The following DIXDC1 variants were observed in gnomAD, a reference collection of about 807,000 sequenced individuals.
DIXDC1 encodes the protein DIX domain containing 1.
Under a neutral mutation model 103.1 loss-of-function variants are expected in DIXDC1, and 64 were observed. The ratio of observed to expected loss-of-function variants is 0.62; its 90% CI spans 0.51 to 0.76. The LOEUF (loss-of-function observed/expected upper bound fraction) is 0.76, where lower values mean the gene tolerates loss of function less well. Among genes scored for constraint, DIXDC1 ranks in the 30% least tolerant of loss-of-function variants. The pLI, the probability that DIXDC1 is intolerant of heterozygous loss-of-function variation, is 0.00. For missense variants in DIXDC1, 759 were observed against 834.2 expected, an observed-to-expected ratio of 0.91 and a Z score of 1.11; for synonymous variants, 266 against 298.5, an observed-to-expected ratio of 0.89 and a Z score of 1.12.
chr11:112,000,881 G>A (rs1420607804), intron 17 of DIXDC1, among the ~76,000 whole-genome samples: 3 of 152,176 alleles, frequency 2.0e-5, no homozygotes, highest in Admixed American at 2.0e-4. Context: ...CTCTGGGGAT[G>A]TGAATGGTGC....
chr11:111,985,401 CCTT>C lies in DIXDC1; in HGVS notation c.1008+84_1008+86del, dbSNP rs1308786239. ...TTAGCATTTGACACTGCTGTTCATG[CCTT>C]CTTGAAATGCTGTCTTCCTTGACCA... On this transcript the variant is annotated intron_variant, in intron 8 of 19. Coordinates refer to ENST00000440460, the MANE Select transcript of DIXDC1 (RefSeq NM_001037954.4). 3.5e-6 allele frequency: 4 copies of C among 1,133,076 alleles called. No homozygotes were observed. In the Admixed American group the frequency reaches 7.6e-5, roughly 22 times the overall value. 70.2% of individuals were successfully genotyped at this position (1,133,076 alleles called of 1,614,324 possible).
chr11:111,965,749 T>C (rs1314559416), intron 2 of DIXDC1, among the ~76,000 whole-genome samples: 8 of 152,176 alleles, frequency 5.3e-5, no homozygotes, highest in Admixed American at 5.2e-4. Context: ...TTAGTATGAG[T>C]CAAACAAAAT....
At chr11:111,995,225 G>C (rs1860855138) in intron 15 of DIXDC1, 117 bp downstream of exon 15, 10 of 1,333,678 alleles carry the variant, frequency 7.5e-6, no homozygotes, top group Non-Finnish European at 1.0e-5. Context: ...TCCTGGATCT[G>C]TGGAGTGTGT....
intron 1 of DIXDC1, among the ~76,000 whole-genome samples, chr11:111,948,235 C>CTTGA (rs1447119732): frequency 6.6e-5 from 10 of 152,224 alleles, no homozygotes; most frequent in Non-Finnish European, 1.5e-4. Context: ...TCCCTGAAAT[C>CTTGA]TTGAACTCTG....
chr11:111,966,204 G>A (rs1394909711), intron 2 of DIXDC1, among the ~76,000 whole-genome samples: 5 of 141,676 alleles, frequency 3.5e-5, no homozygotes, highest in African/African-American at 8.1e-5. Context: ...TGCAAAACCC[G>A]GGGTTTTTTT....
At chr11:111,938,160 G>C (rs587722666) in intron 1 of DIXDC1, among the ~76,000 whole-genome samples, 16 of 152,318 alleles carry the variant, frequency 1.1e-4, no homozygotes, top group Admixed American at 7.8e-4. Flanking sequence ...CGCGTGCACC[G>C]GTCCATGTGA....
intron 6 of DIXDC1, among the ~76,000 whole-genome samples, chr11:111,981,290 C>T (rs116837264): frequency 0.01 from 1,592 of 152,254 alleles, 25 homozygotes; most frequent in African/African-American, 0.035. Flanking sequence ...TGGTATGAAG[C>T]TACAGAAAGG....
rs782519574 is a variant in DIXDC1, at chr11:111,976,060, C to T, written c.656+1077C>T. The stretch of plus-strand genomic sequence containing the variant: ...CCATCACCTCTATCCACTCAGAAGA[C>T]ATCTTCATCACCCCAAAAGGAAGCC... On this transcript the variant is annotated intron_variant, in intron 5 of 19. Coordinates refer to ENST00000440460, the MANE Select transcript of DIXDC1 (RefSeq NM_001037954.4). This position sits in a 1 kb window ranked among gnomAD's most constrained non-coding sequence, Gnocchi z 4.3. 8.1e-5 allele frequency: 28 copies of T among 346,728 alleles called. No homozygotes were observed. The highest frequency in any genetic ancestry group is 1.0e-4 in the Non-Finnish European group (25 of 246,304). 21.5% of individuals were successfully genotyped at this position (346,728 alleles called of 1,614,324 possible). A position where few individuals can be genotyped will look rare whatever the true frequency, so the allele number is the denominator to read the frequency against.
At position 111,937,568 on chromosome 11, in the gene DIXDC1, C is replaced by T; in HGVS notation, c.60+9C>T. The T allele has an allele frequency of 6.3e-7, 1 of 1,583,864 alleles. No homozygotes were observed. The highest frequency in any genetic ancestry group is 8.6e-7 in the Non-Finnish European group (1 of 1,165,270). On this transcript the variant is annotated intron_variant, in intron 1 of 19. Coordinates refer to ENST00000440460, the MANE Select transcript of DIXDC1 (RefSeq NM_001037954.4). ...AGGAGGGCTTCAATGAGGTAACTGT[C>T]CTGCTCCTCCCACTCCTCAGCTCCC...
intron 2 of DIXDC1, among the ~76,000 whole-genome samples, chr11:111,931,635 TCC>T: frequency 6.6e-6 from 1 of 152,110 alleles, no homozygotes; most frequent in African/African-American, 2.4e-5. Context: ...AGATTGAGAC[TCC>T]ATCCCAAAAT....
intron 9 of DIXDC1, among the ~76,000 whole-genome samples, chr11:111,988,090 C>G (rs965174068): frequency 3.9e-5 from 6 of 152,076 alleles, no homozygotes; most frequent in African/African-American, 1.4e-4. Context: ...CTTCGACCCC[C>G]CAGTCTCAAG....
chr11:111,975,783 T>C (rs1322207151), intron 5 of DIXDC1: 2 of 985,350 alleles, frequency 2.0e-6, no homozygotes, highest in African/African-American at 3.5e-5. Flanking sequence ...TTATGTGTCC[T>C]TGTTTTCTTC....
intron 1 of DIXDC1, among the ~76,000 whole-genome samples, chr11:111,951,438 AAAAG>A (rs1555169970): frequency 6.6e-6 from 1 of 152,220 alleles, no homozygotes; most frequent in African/African-American, 2.4e-5. Context: ...AAAAATTAAA[AAAAG>A]AAAATGAAGA....
At chr11:111,993,126 C>T in intron 12 of DIXDC1, 122 bp downstream of exon 12, 1 of 1,153,834 alleles carries the variant, frequency 8.7e-7, no homozygotes, top group Non-Finnish European at 1.2e-6. Flanking sequence ...TTTATCCTTG[C>T]TTTTTAGAAG....
upstream of DIXDC1, among the ~76,000 whole-genome samples, chr11:111,932,399 C>T (rs1555167754): frequency 6.6e-6 from 1 of 151,584 alleles, no homozygotes; most frequent in African/African-American, 2.4e-5. Context: ...AAAAAAAATC[C>T]ATAACCCAGG....
chr11:111,953,107 T>C (rs930388060), intron 1 of DIXDC1, among the ~76,000 whole-genome samples: 1 of 152,282 alleles, frequency 6.6e-6, no homozygotes, highest in Non-Finnish European at 1.5e-5. Context: ...AAGTACAAAT[T>C]AGTATCAATA....
chr11:111,987,856 C>T (rs1228974412), intron 9 of DIXDC1, among the ~76,000 whole-genome samples: 3 of 151,718 alleles, frequency 2.0e-5, no homozygotes, highest in African/African-American at 7.3e-5. Context: ...GATGGGGTTT[C>T]ACTATGTTGG....
intron 1 of DIXDC1, among the ~76,000 whole-genome samples, chr11:111,956,039 A>G (rs963984079): frequency 6.7e-6 from 1 of 149,866 alleles, no homozygotes; most frequent in African/African-American, 2.5e-5. Flanking sequence ...ACTATTATTC[A>G]GCCTTGAAAA....
intron 1 of DIXDC1, among the ~76,000 whole-genome samples, chr11:111,960,321 C>T (rs1859528661): frequency 6.6e-6 from 1 of 151,596 alleles, no homozygotes; most frequent in South Asian, 2.1e-4. Flanking sequence ...TTTGGCCGGG[C>T]GCAGTGGCTC....
Sources: gnomAD v4.1 joint callset for allele counts (sites outside exome capture counted in the v4.1 genomes callset) on GRCh38, gnomAD v4.1.1 for gene constraint, Gnocchi (gnomAD v3.1) non-coding constraint, MANE v1.5 for transcripts, NCBI Gene and HGNC (gene_info 2026-07-23, HGNC 2026-07-21) for gene names.